The following CR1 variants were observed in gnomAD, a reference collection of about 807,000 sequenced individuals.
CR1 encodes the protein complement C3b/C4b receptor 1 (Knops blood group).
Under a neutral mutation model 187.3 loss-of-function variants are expected in CR1, and 116 were observed. That is an observed-to-expected ratio of 0.62 (90% CI 0.53 to 0.72). The LOEUF is 0.72. CR1 is among the 30% of genes least tolerant of loss of function. The probability of loss-of-function intolerance (pLI) is 0.00; values close to 1 mark genes in which losing one functional copy is unlikely to be tolerated. For missense variants in CR1, 1,731 were observed against 2,110.7 expected, an observed-to-expected ratio of 0.82 and a Z score of 3.52; for synonymous variants, 576 against 747.1, an observed-to-expected ratio of 0.77 and a Z score of 3.73.
Position 207,582,020 on chromosome 1 carries a change from C to T in CR1, c.5302+17C>T, listed in dbSNP as rs769001660. 3 of 1,560,076 alleles carry T rather than the reference C, an allele frequency of 1.9e-6. No individual in the cohort carries two copies. Among genetic ancestry groups the T allele is most frequent in the Non-Finnish European group, 2.6e-6 (3 of 1,133,056 alleles). ...TGTGTGAACGTGAGTAGATGGAATA[C>T]TTGTTCAGTCTGGATCTTTCTGTTT... On this transcript the variant is annotated intron_variant, in intron 32 of 46. Transcript: ENST00000367049.
At chr1:207,607,942 G>A (rs780578927) in intron 36 of CR1, among the ~76,000 whole-genome samples, 15 of 152,230 alleles carry the variant, frequency 9.9e-5, no homozygotes, top group African/African-American at 2.4e-4. Context: ...TGAAGAAGTC[G>A]TCATCGCACA....
Position 207,639,401 on chromosome 1 carries a change from C to T in CR1, c.7462C>T (p.Leu2488Phe), listed in dbSNP as rs1273810900. ...GAAAACATCCTGTTATTTCAGGGTC[C>T]TTCCTTGACAAAGTACTATACAGCT... Reference protein sequence around the residue: ...LQTNEENSRVLP With the variant: ...LQTNEENSRVFP Residue 2488 changes from leucine to phenylalanine, a missense_variant, in exon 47 of 47, where the codon CTT becomes TTT. Coordinates refer to ENST00000367049, the MANE Select transcript of CR1 (RefSeq NM_000651.6). The T allele has an allele frequency of 1.3e-6, 2 of 1,598,906 alleles. No homozygotes were observed.
intron 42 of CR1, among the ~76,000 whole-genome samples, chr1:207,619,036 CAAAAAAAA>C (rs71727231): frequency 5.2e-5 from 2 of 38,486 alleles, no homozygotes; most frequent in Non-Finnish European, 1.5e-4. Context: ...GACTCCGTCT[CAAAAAAAA>C]AAAAAAAAAA....
chr1:207,622,253 T>C (rs1222731859), intron 44 of CR1, among the ~76,000 whole-genome samples: 1 of 152,202 alleles, frequency 6.6e-6, no homozygotes, highest in East Asian at 1.9e-4. Context: ...TACAAATGAA[T>C]AATCATTCAT....
At chr1:207,632,824 A>G (rs1474652078) in intron 46 of CR1, among the ~76,000 whole-genome samples, 1 of 149,432 alleles carries the variant, frequency 6.7e-6, no homozygotes, top group Non-Finnish European at 1.5e-5. Flanking sequence ...AAAAAAAAAA[A>G]AGATAAAATA....
At position 207,584,713 on chromosome 1, in the gene CR1, T is replaced by C; in HGVS notation, c.5367T>C (p.Asp1789=). The C allele has an allele frequency of 6.2e-7, 1 of 1,613,806 alleles. No homozygotes were observed. Among genetic ancestry groups the C allele is most frequent in the Non-Finnish European group, 8.5e-7 (1 of 1,179,724 alleles). The part of the protein sequence containing the change: ...NGRHTGTPSG[D]IPYGKEISYT... Reference sequence around the variant, plus strand: ...GACACACAGGAACTCCCTCTGGAGATATTCCCTATGGAAAAGAAATATCTT... The same window carrying C: ...GACACACAGGAACTCCCTCTGGAGACATTCCCTATGGAAAAGAAATATCTT... The change falls in exon 33 of 47, where the codon GAT becomes GAC. Residue 1789 remains aspartate, a synonymous_variant. Coordinates refer to ENST00000367049, the MANE Select transcript of CR1 (RefSeq NM_000651.6).
At chr1:207,608,837 T>G (rs1214396506) in intron 36 of CR1, among the ~76,000 whole-genome samples, 1 of 152,228 alleles carries the variant, frequency 6.6e-6, no homozygotes, top group Admixed American at 6.5e-5. Context: ...ATTTATCATT[T>G]TATTGCCCTT....
chr1:207,496,496 C>A, intron 1 of CR1, 108 bp downstream of exon 1: 1 of 1,187,626 alleles, frequency 8.4e-7, no homozygotes, highest in Non-Finnish European at 1.1e-6. Flanking sequence ...CGCCCGGGTC[C>A]GAAGGCAGCG....
At chr1:207,630,771 T>TA (rs1374149102) in intron 46 of CR1, 150 bp downstream of exon 46, 8 of 508,038 alleles carry the variant, frequency 1.6e-5, no homozygotes, top group Non-Finnish European at 2.8e-5. Context: ...CTTTTTTTTT[T>TA]ATTGGATTAT....
chr1:207,567,294 C>T (rs34443798), intron 24 of CR1, among the ~76,000 whole-genome samples: 47 of 145,924 alleles, frequency 3.2e-4, no homozygotes, highest in Middle Eastern at 3.5e-3. Context: ...CATGGCCTGA[C>T]TATGTTTCAA....
At chr1:207,633,974 C>G (rs572070593) in intron 46 of CR1, among the ~76,000 whole-genome samples, 6 of 152,032 alleles carry the variant, frequency 3.9e-5, no homozygotes. Context: ...AGTGGGGGAG[C>G]TTTTTGAGCC....
At chr1:207,588,339 T>G (rs1661171656) in intron 34 of CR1, among the ~76,000 whole-genome samples, 1 of 152,120 alleles carries the variant, frequency 6.6e-6, no homozygotes. Flanking sequence ...CCAGCTAATT[T>G]TTGTATTTTT....
intron 4 of CR1, among the ~76,000 whole-genome samples, chr1:207,520,965 G>T (rs913923715): frequency 3.3e-4 from 35 of 107,644 alleles, no homozygotes; most frequent in South Asian, 5.7e-4. Context: ...TTTTTTTTTG[G>T]TTGTTTTTTT....
intron 3 of CR1, among the ~76,000 whole-genome samples, chr1:207,508,378 T>C (rs779685178): frequency 4.6e-5 from 7 of 152,304 alleles, no homozygotes; most frequent in East Asian, 1.9e-4. Context: ...ATAGGGGAGG[T>C]TATCCATGTA....
At chr1:207,628,500 G>C (rs1662547929) in intron 45 of CR1, among the ~76,000 whole-genome samples, 1 of 152,294 alleles carries the variant, frequency 6.6e-6, no homozygotes, top group South Asian at 2.1e-4. Flanking sequence ...CTGTGAGGTA[G>C]GTAGGCCCAA....
chr1:207,603,783 G>A (rs886127782), intron 35 of CR1, among the ~76,000 whole-genome samples: 1 of 152,046 alleles, frequency 6.6e-6, no homozygotes, highest in East Asian at 1.9e-4. Flanking sequence ...AGTCCTTAAT[G>A]TCTGGAATTA....
At chr1:207,582,121 G>A (rs1283974349) in intron 32 of CR1, 118 bp downstream of exon 32, 1 of 611,806 alleles carries the variant, frequency 1.6e-6, no homozygotes, top group Non-Finnish European at 2.8e-6. Context: ...GATAGAAATT[G>A]TTCTTTGTTG....
intron 35 of CR1, chr1:207,598,954 G>A (rs1661528271): frequency 4.6e-5 from 7 of 152,192 alleles, no homozygotes; most frequent in Admixed American, 4.6e-4. Context: ...CAGGAAAGGA[G>A]TGCTCAGGGA....
At chr1:207,607,195 G>A (rs1026504983) in intron 35 of CR1, 56 bp from the exon 36 acceptor site, 2 of 1,326,780 alleles carry the variant, frequency 1.5e-6, no homozygotes, top group Admixed American at 1.7e-5. Flanking sequence ...TTTCTAAATG[G>A]TGAGTTAAAT....
Sources: allele counts gnomAD v4.1 joint callset (sites outside exome capture counted in the v4.1 genomes callset), GRCh38; gene constraint gnomAD v4.1.1; transcripts MANE v1.5; gene names NCBI Gene and HGNC (gene_info 2026-07-23, HGNC 2026-07-21).